The following PPP1R36 variants were observed in gnomAD, a reference collection of about 807,000 sequenced individuals.
PPP1R36 encodes the protein protein phosphatase 1 regulatory subunit 36.
In PPP1R36, 47 loss-of-function variants were observed where a neutral mutation model predicts 53.4. The observed-to-expected ratio is 0.88, with a 90% confidence interval of 0.70 to 1.12. PPP1R36 has a LOEUF of 1.12. Ranked by LOEUF, PPP1R36 falls within the 50% of genes most tolerant of loss-of-function variation. The pLI, the probability that PPP1R36 is intolerant of heterozygous loss-of-function variation, is 0.00. For synonymous variants in PPP1R36, 153 were observed against 170.5 expected, an observed-to-expected ratio of 0.90 and a Z score of 0.80; for missense variants, 456 against 513.9, an observed-to-expected ratio of 0.89 and a Z score of 1.09.
At chr14:64,580,923 G>A (rs896942652) in intron 8 of PPP1R36, among the ~76,000 whole-genome samples, 2 of 152,084 alleles carry the variant, frequency 1.3e-5, no homozygotes, top group Non-Finnish European at 2.9e-5. Flanking sequence ...AAGTGAACTG[G>A]GGTCCGCTTG....
chr14:64,553,244 C>T (rs751544961), intron 3 of PPP1R36, among the ~76,000 whole-genome samples: 9 of 152,164 alleles, frequency 5.9e-5, no homozygotes, highest in South Asian at 2.1e-4. Flanking sequence ...TGTGAGCCAC[C>T]GCATCTGGCT....
At chr14:64,551,038 G>T (rs1338535313) in intron 2 of PPP1R36, 53 bp downstream of exon 2, 51 of 1,251,860 alleles carry the variant, frequency 4.1e-5, no homozygotes, top group Middle Eastern at 3.9e-4. Context: ...CATGTGCCTG[G>T]GGGAAAAAAA....
At chr14:64,583,365 A>G (rs980558816) in intron 8 of PPP1R36, among the ~76,000 whole-genome samples, 1 of 152,178 alleles carries the variant, frequency 6.6e-6, no homozygotes, top group Non-Finnish European at 1.5e-5. Flanking sequence ...GCTTTTAACT[A>G]TGAAGTCCCC....
At chr14:64,552,911 T>C in intron 3 of PPP1R36, 50 bp downstream of exon 3, 1 of 1,498,700 alleles carries the variant, frequency 6.7e-7, no homozygotes, top group Non-Finnish European at 9.3e-7. Context: ...ACAGACAAGA[T>C]AGTTACAGAA....
chr14:64,550,586 C>T (rs2080086365), intron 1 of PPP1R36, among the ~76,000 whole-genome samples: 1 of 152,182 alleles, frequency 6.6e-6, no homozygotes, highest in Non-Finnish European at 1.5e-5. Context: ...CAATTTCCTT[C>T]CTATCTTTCG....
chr14:64,563,145 C>T (rs1322313397), intron 3 of PPP1R36, among the ~76,000 whole-genome samples: 2 of 152,080 alleles, frequency 1.3e-5, no homozygotes, highest in South Asian at 2.1e-4. Flanking sequence ...GGATTGCAGG[C>T]GAGAGCCACC....
At chr14:64,554,234 C>A (rs1199998025) in intron 3 of PPP1R36, among the ~76,000 whole-genome samples, 2 of 149,542 alleles carry the variant, frequency 1.3e-5, no homozygotes, top group Non-Finnish European at 1.5e-5. Flanking sequence ...TCACGGCAAC[C>A]TCCCCCTCCC....
intron 2 of PPP1R36, chr14:64,551,617 A>G: frequency 2.2e-6 from 1 of 456,314 alleles, no homozygotes; most frequent in Non-Finnish European, 4.4e-6. Context: ...GTGAACATTA[A>G]TGTCCTCATT....
chr14:64,553,953 G>A (rs888985617), intron 3 of PPP1R36, among the ~76,000 whole-genome samples: 1 of 151,904 alleles, frequency 6.6e-6, no homozygotes, highest in Admixed American at 6.6e-5. Flanking sequence ...CCTGTTTTTG[G>A]TAGAGCTGCT....
At position 64,587,355 on chromosome 14, in the gene PPP1R36, G is replaced by T. The variant is rs1478343763; in HGVS notation, c.873G>T (p.Met291Ile). The T allele has an allele frequency of 6.2e-7, 1 of 1,606,092 alleles. No homozygotes were observed. Among genetic ancestry groups the T allele is most frequent in the Non-Finnish European group, 8.5e-7 (1 of 1,175,100 alleles). The change falls in exon 10 of 12, where the codon ATG becomes ATT. Residue 291 changes from methionine to isoleucine, a missense_variant. Coordinates refer to ENST00000298705, the MANE Select transcript of PPP1R36 (RefSeq NM_172365.3). The stretch of plus-strand genomic sequence containing the variant: ...AATCAGGAGGGGAAAAGAAACGCAT[G>T]ACTTTTGTTCAGTTCAGGTATGACC... The part of the protein sequence containing the change: ...DEESGGEKKR[M>I]TFVQFRRMMA...
At chr14:64,577,553 G>A (rs552072086) in intron 8 of PPP1R36, among the ~76,000 whole-genome samples, 2 of 151,826 alleles carry the variant, frequency 1.3e-5, no homozygotes, top group Non-Finnish European at 2.9e-5. Context: ...GAGGTGTGAC[G>A]GCACTCCTTG....
At chr14:64,552,900 G>T in intron 3 of PPP1R36, 39 bp downstream of exon 3, 1 of 1,553,004 alleles carries the variant, frequency 6.4e-7, no homozygotes, top group South Asian at 1.1e-5. Flanking sequence ...TTTGGGATTA[G>T]ACAGACAAGA....
chr14:64,578,964 G>T (rs1325089345), intron 8 of PPP1R36, among the ~76,000 whole-genome samples: 1 of 152,220 alleles, frequency 6.6e-6, no homozygotes, highest in Non-Finnish European at 1.5e-5. Context: ...GTGGGAACAT[G>T]GATAGAGCTG....
chr14:64,569,641 C>T (rs2080287734), intron 7 of PPP1R36, among the ~76,000 whole-genome samples: 1 of 152,116 alleles, frequency 6.6e-6, no homozygotes, highest in Non-Finnish European at 1.5e-5. Flanking sequence ...CGTAATTAGA[C>T]ATTTTTGGCA....
Position 64,586,870 on chromosome 14 carries a change from G to A in PPP1R36, c.702G>A (p.Lys234=). Residue 234 remains lysine, a synonymous_variant, in exon 9 of 12, where the codon AAG becomes AAA. Coordinates refer to ENST00000298705, the MANE Select transcript of PPP1R36 (RefSeq NM_172365.3). ...TATCAGATACACAGAAAGACTGGAA[G>A]TTCTTTGAGGTGAGTCACTTATGTT... The part of the protein sequence containing the change: ...EKISDTQKDW[K]FFESFYTFCT... 1 of 1,611,820 alleles carries A rather than the reference G, an allele frequency of 6.2e-7. No individual in the cohort carries two copies. Among genetic ancestry groups the A allele is most frequent in the Non-Finnish European group, 8.5e-7 (1 of 1,178,214 alleles).
intron 3 of PPP1R36, among the ~76,000 whole-genome samples, chr14:64,561,245 A>C (rs1038171020): frequency 6.6e-6 from 1 of 152,180 alleles, no homozygotes; most frequent in African/African-American, 2.4e-5. Context: ...AGATCAAGAA[A>C]AGATGATCCC....
chr14:64,567,911 C>G (rs763675109), intron 6 of PPP1R36, among the ~76,000 whole-genome samples: 6 of 152,164 alleles, frequency 3.9e-5, no homozygotes, highest in Non-Finnish European at 8.8e-5. Context: ...ACCTTGGCCT[C>G]CCAAAGTGCT....
At chr14:64,570,748 G>T (rs1216325867) in intron 7 of PPP1R36, among the ~76,000 whole-genome samples, 1 of 152,210 alleles carries the variant, frequency 6.6e-6, no homozygotes, top group Non-Finnish European at 1.5e-5. Context: ...TGGGAGGAAA[G>T]CCTACAGCCG....
intron 3 of PPP1R36, chr14:64,561,869 A>G: frequency 4.4e-6 from 2 of 455,232 alleles, no homozygotes; most frequent in Non-Finnish European, 8.8e-6. Context: ...AGGACATAAA[A>G]CCAAGGAAAC....
Sources: gnomAD v4.1 joint callset for allele counts (sites outside exome capture counted in the v4.1 genomes callset) on GRCh38, gnomAD v4.1.1 for gene constraint, MANE v1.5 for transcripts, NCBI Gene and HGNC (gene_info 2026-07-23, HGNC 2026-07-21) for gene names.